The following GLRA2 variants were observed in gnomAD, a reference collection of about 807,000 sequenced individuals.
GLRA2 encodes glycine receptor alpha 2.
GLRA2 carries 11 observed loss-of-function variants against 31.6 expected under a neutral mutation model. The observed-to-expected ratio is 0.35, with a 90% CI of 0.22 to 0.58. The LOEUF (loss-of-function observed/expected upper bound fraction) is 0.58. GLRA2 is among the 20% of genes least tolerant of loss of function. The pLI is 0.84. For synonymous variants in GLRA2, 132 were observed against 134.0 expected, an observed-to-expected ratio of 0.99 and a Z score of 0.10; for missense variants, 212 against 351.8, an observed-to-expected ratio of 0.60 and a Z score of 3.18.
At chrX:14,532,502 G>T (rs2089270600) in intron 2 of GLRA2, 130 bp downstream of exon 2, 2 of 376,707 alleles carry the variant, frequency 5.3e-6, no homozygotes, top group Non-Finnish European at 4.4e-6. Context: ...ATTTTATTTT[G>T]GTATTCTTTT....
intron 7 of GLRA2, among the ~76,000 whole-genome samples, chrX:14,681,910 A>AAAAATATATATATATAT (rs758563376): frequency 2.4e-5 from 1 of 41,274 alleles, no homozygotes; most frequent in African/African-American, 1.2e-4. Context: ...AAAAAAAAAA[A>AAAAATATATATATATAT]ATATATATAT....
At chrX:14,663,254 T>G (rs1269119439) in intron 7 of GLRA2, among the ~76,000 whole-genome samples, 2 of 111,477 alleles carry the variant, frequency 1.8e-5, no homozygotes, top group African/African-American at 3.3e-5. Flanking sequence ...GTATATATAT[T>G]TTCCCTGAAT....
intron 4 of GLRA2, among the ~76,000 whole-genome samples, chrX:14,597,966 TATG>T (rs1311453035): frequency 8.9e-6 from 1 of 111,769 alleles, no homozygotes; most frequent in Non-Finnish European, 1.9e-5. Context: ...TTCTGAGAAT[TATG>T]ATTATTAATA....
At chrX:14,540,432 T>C (rs1004032448) in intron 2 of GLRA2, among the ~76,000 whole-genome samples, 5 of 111,365 alleles carry the variant, frequency 4.5e-5, no homozygotes, top group Non-Finnish European at 7.6e-5. Context: ...TCCTCCTGTT[T>C]TCCATTCTCC....
At chrX:14,461,891 A>T in the GLRA2 span, among the ~76,000 whole-genome samples, 1 of 112,041 alleles carries the variant, frequency 8.9e-6, no homozygotes, top group Non-Finnish European at 1.9e-5. Context: ...TCCTGTCATT[A>T]TGATGATAGC....
intron 4 of GLRA2, among the ~76,000 whole-genome samples, chrX:14,603,545 T>C (rs920481800): frequency 9.0e-6 from 1 of 111,684 alleles, no homozygotes; most frequent in Non-Finnish European, 1.9e-5. Flanking sequence ...CAATTCAAGA[T>C]GGATCAAGGA....
the GLRA2 span, among the ~76,000 whole-genome samples, chrX:14,506,470 T>C: frequency 8.9e-6 from 1 of 111,987 alleles, no homozygotes; most frequent in Non-Finnish European, 1.9e-5. Flanking sequence ...TTTCATAATT[T>C]AATTTCATAA....
the GLRA2 span, among the ~76,000 whole-genome samples, chrX:14,467,470 G>C: frequency 8.9e-6 from 1 of 112,034 alleles, no homozygotes; most frequent in African/African-American, 3.2e-5. Flanking sequence ...TTCTTTAAAT[G>C]TCTTGGAATA....
At chrX:14,683,559 C>G (rs1384613439) in intron 7 of GLRA2, among the ~76,000 whole-genome samples, 2 of 111,312 alleles carry the variant, frequency 1.8e-5, no homozygotes, top group Non-Finnish European at 3.8e-5. Flanking sequence ...TAATTAGATC[C>G]CATTTGTCAA....
chrX:14,671,243 T>C (rs1323247614), intron 7 of GLRA2, among the ~76,000 whole-genome samples: 2 of 111,645 alleles, frequency 1.8e-5, no homozygotes, highest in African/African-American at 6.5e-5. Flanking sequence ...TTTGCTATCC[T>C]GGTTCTAAAT....
intron 7 of GLRA2, among the ~76,000 whole-genome samples, chrX:14,662,472 T>C (rs1194572737): frequency 8.9e-6 from 1 of 112,015 alleles, no homozygotes; most frequent in Non-Finnish European, 1.9e-5. Flanking sequence ...TAATTTCAGA[T>C]GTGAATGATG....
At chrX:14,726,611 C>T (rs1037820697) in intron 8 of GLRA2, among the ~76,000 whole-genome samples, 3 of 112,341 alleles carry the variant, frequency 2.7e-5, no homozygotes, top group African/African-American at 9.7e-5. Context: ...ATTCAGCAAA[C>T]ATTTATTAAG....
intron 4 of GLRA2, among the ~76,000 whole-genome samples, chrX:14,587,608 T>C (rs2090094271): frequency 1.8e-5 from 2 of 112,206 alleles, no homozygotes; most frequent in Non-Finnish European, 3.8e-5. Flanking sequence ...TGTCTGTTCA[T>C]GTCCTTTGCC....
chrX:14,624,646 T>G (rs1002764007), intron 7 of GLRA2, among the ~76,000 whole-genome samples: 5 of 112,198 alleles, frequency 4.5e-5, no homozygotes, highest in Middle Eastern at 4.6e-3. Context: ...TCAGTTTCCA[T>G]GTAGTTGTGT....
the GLRA2 span, among the ~76,000 whole-genome samples, chrX:14,463,140 C>T: frequency 9.0e-6 from 1 of 111,487 alleles, no homozygotes; most frequent in Admixed American, 9.5e-5. Flanking sequence ...GCTGGAGGTC[C>T]ACTCCAGTCC....
chrX:14,623,120 T>C (rs1305631713), intron 7 of GLRA2, among the ~76,000 whole-genome samples: 1 of 111,526 alleles, frequency 9.0e-6, no homozygotes, highest in Non-Finnish European at 1.9e-5. Flanking sequence ...AATTGTGAAT[T>C]GGAGTTCACT....
chrX:14,485,847 T>C, the GLRA2 span, among the ~76,000 whole-genome samples: 1 of 111,772 alleles, frequency 8.9e-6, no homozygotes, highest in East Asian at 2.8e-4. Flanking sequence ...GTAGCTCCTC[T>C]ACTGAAAGCA....
chrX:14,450,908 G>T, the GLRA2 span, among the ~76,000 whole-genome samples: 3 of 111,125 alleles, frequency 2.7e-5, no homozygotes, highest in Non-Finnish European at 3.8e-5. Flanking sequence ...ATGAGGTTTT[G>T]CCTTGTTGGA....
At chrX:14,458,205 C>A in the GLRA2 span, among the ~76,000 whole-genome samples, 3 of 111,149 alleles carry the variant, frequency 2.7e-5, no homozygotes, top group Admixed American at 9.6e-5. Flanking sequence ...ATGAACTCAT[C>A]CTTTTTTATG....
Sources: gnomAD v4.1 joint callset for allele counts (sites outside exome capture counted in the v4.1 genomes callset) on GRCh38, gnomAD v4.1.1 for gene constraint, MANE v1.5 for transcripts, NCBI Gene and HGNC (gene_info 2026-07-23, HGNC 2026-07-21) for gene names.